EXT1: variants seen among roughly 807,000 people sequenced by gnomAD.
EXT1 encodes exostosin-1.
A neutral mutation model predicts 82.5 loss-of-function variants in EXT1; 20 were observed. That is an observed-to-expected ratio of 0.24 (90% confidence interval 0.17 to 0.35). The LOEUF (loss-of-function observed/expected upper bound fraction) is 0.35, where lower values mean the gene tolerates loss of function less well. EXT1 is among the 10% of genes least tolerant of loss of function. The pLI is 1.00. For synonymous variants in EXT1, 348 were observed against 350.8 expected (o/e 0.99, Z 0.09); for missense variants, 757 against 936.5 (o/e 0.81, Z 2.50).
At chr8:117,914,143 G>A (rs1032626587) in intron 1 of EXT1, among the ~76,000 whole-genome samples, 5 of 152,268 alleles carry the variant, frequency 3.3e-5, no homozygotes, top group Admixed American at 6.5e-5. Context: ...CCACTGTTGC[G>A]GGAAGTCAAG....
intron 1 of EXT1, among the ~76,000 whole-genome samples, chr8:118,011,192 C>A (rs1815892335): frequency 6.6e-6 from 1 of 152,178 alleles, no homozygotes; most frequent in South Asian, 2.1e-4. Flanking sequence ...CCTCTCATAT[C>A]TCTTTTCCCT....
At chr8:117,877,967 A>G (rs1812999330) in intron 1 of EXT1, among the ~76,000 whole-genome samples, 1 of 152,228 alleles carries the variant, frequency 6.6e-6, no homozygotes, top group South Asian at 2.1e-4. Context: ...TGTGGTGTCA[A>G]TTTATTTAGA....
At chr8:117,895,308 G>T (rs1813316590) in intron 1 of EXT1, among the ~76,000 whole-genome samples, 1 of 152,118 alleles carries the variant, frequency 6.6e-6, no homozygotes, top group Non-Finnish European at 1.5e-5. Flanking sequence ...GTTATAAACG[G>T]GTTTCAATGT....
chr8:117,967,722 T>A (rs763561908), intron 1 of EXT1, among the ~76,000 whole-genome samples: 1 of 152,232 alleles, frequency 6.6e-6, no homozygotes, highest in Non-Finnish European at 1.5e-5. Context: ...TGATTGCACT[T>A]GCCACTTATT....
At chr8:117,953,509 C>T (rs1157203128) in intron 1 of EXT1, among the ~76,000 whole-genome samples, 2 of 151,672 alleles carry the variant, frequency 1.3e-5, no homozygotes, top group African/African-American at 4.8e-5. Context: ...CGTATCTAAT[C>T]TGTGGGTCAC....
chr8:118,011,059 A>G (rs1207020491), intron 1 of EXT1, among the ~76,000 whole-genome samples: 3 of 152,196 alleles, frequency 2.0e-5, no homozygotes, highest in Non-Finnish European at 4.4e-5. Flanking sequence ...CAATGTGGGA[A>G]GGACTCATCT....
chr8:117,971,259 A>G (rs1341842172), intron 1 of EXT1, among the ~76,000 whole-genome samples: 1 of 152,202 alleles, frequency 6.6e-6, no homozygotes, highest in African/African-American at 2.4e-5. Context: ...AAACACATTT[A>G]TTACTCCTCT....
At chr8:117,871,885 G>A (rs1051446785) in intron 1 of EXT1, among the ~76,000 whole-genome samples, 21 of 152,180 alleles carry the variant, frequency 1.4e-4, no homozygotes, top group Admixed American at 1.2e-3. Context: ...AGCACCGTGG[G>A]AGGCTGAGGC....
intron 1 of EXT1, among the ~76,000 whole-genome samples, chr8:117,892,522 TCA>T (rs1463394164): frequency 1.2e-4 from 18 of 152,290 alleles, no homozygotes; most frequent in African/African-American, 3.1e-4. Context: ...ACCCTGTATG[TCA>T]CAGTGAGGAA....
chr8:117,994,914 T>G (rs1331925968), intron 1 of EXT1, among the ~76,000 whole-genome samples: 3 of 152,202 alleles, frequency 2.0e-5, no homozygotes, highest in Middle Eastern at 3.2e-3. Context: ...ACATCAGCTA[T>G]TTGGACGTTA....
At chr8:117,824,804 C>T (rs570302875) in intron 4 of EXT1, among the ~76,000 whole-genome samples, 65 of 152,206 alleles carry the variant, frequency 4.3e-4, no homozygotes, top group African/African-American at 1.2e-3. Flanking sequence ...AACATATTTA[C>T]GAATAAAATT....
At position 118,025,534 on chromosome 8, in the gene EXT1, G is replaced by A. The variant is rs1398449063; in HGVS notation, c.962+84551C>T. On this transcript the variant is annotated intron_variant, in intron 1 of 10. Coordinates refer to ENST00000378204, the MANE Select transcript of EXT1 (RefSeq NM_000127.3). Reference sequence around the variant, plus strand: ...AAACTTTCTCCAAAGGGCTACTTTCGAAAGCTTTTATCATCTGGACTAAAA... The same window carrying A: ...AAACTTTCTCCAAAGGGCTACTTTCAAAAGCTTTTATCATCTGGACTAAAA... 2.0e-5 allele frequency among the ~76,000 whole-genome samples: 3 copies of A among 152,076 alleles called. No individual in the cohort carries two copies. In the South Asian group the frequency reaches 6.2e-4, roughly 32 times the overall value.
chr8:117,911,284 A>G (rs999397573), intron 1 of EXT1, among the ~76,000 whole-genome samples: 1 of 152,224 alleles, frequency 6.6e-6, no homozygotes, highest in Admixed American at 6.5e-5. Context: ...GCACAAGAAA[A>G]GGCCTCCTGT....
chr8:117,820,879 A>C (rs1433469747), intron 5 of EXT1, among the ~76,000 whole-genome samples: 1 of 152,132 alleles, frequency 6.6e-6, no homozygotes, highest in Non-Finnish European at 1.5e-5. Context: ...GCTGAGAAAA[A>C]AAGTATGTGA....
At chr8:118,074,431 C>T (rs1817165944) in intron 1 of EXT1, among the ~76,000 whole-genome samples, 1 of 152,190 alleles carries the variant, frequency 6.6e-6, no homozygotes, top group African/African-American at 2.4e-5. Context: ...AAGGAAAGGA[C>T]CGTCTGTCCG....
intron 1 of EXT1, among the ~76,000 whole-genome samples, chr8:117,843,501 G>C (rs757704601): frequency 1.1e-4 from 17 of 152,110 alleles, no homozygotes; most frequent in Admixed American, 2.0e-4. Flanking sequence ...GGAATTCCTG[G>C]GGGTAGAGAT....
At chr8:118,045,095 C>T (rs1326685425) in intron 1 of EXT1, among the ~76,000 whole-genome samples, 1 of 152,218 alleles carries the variant, frequency 6.6e-6, no homozygotes, top group African/African-American at 2.4e-5. Flanking sequence ...AAAACAAAAG[C>T]TTTCTAATGA....
At chr8:117,990,821 T>C (rs547039783) in intron 1 of EXT1, among the ~76,000 whole-genome samples, 3 of 152,314 alleles carry the variant, frequency 2.0e-5, no homozygotes, top group African/African-American at 7.2e-5. Flanking sequence ...TGGAAATCAC[T>C]ACAGAGGACC....
chr8:117,911,761 G>A (rs1813652250), intron 1 of EXT1, among the ~76,000 whole-genome samples: 1 of 152,194 alleles, frequency 6.6e-6, no homozygotes, highest in Non-Finnish European at 1.5e-5. Context: ...ACTTTGAACT[G>A]AGCTGGCCTG....
Sources: gnomAD v4.1 joint callset for allele counts (sites outside exome capture counted in the v4.1 genomes callset) on GRCh38, gnomAD v4.1.1 for gene constraint, MANE v1.5 for transcripts, NCBI Gene and HGNC (gene_info 2026-07-23, HGNC 2026-07-21) for gene names.